Variants in COL4A1 observed in about 807,000 individuals in gnomAD.
COL4A1 encodes the protein collagen alpha-1(IV) chain.
A neutral mutation model predicts 216.6 loss-of-function variants in COL4A1; 40 were observed. The observed-to-expected ratio is 0.18, with a 90% CI of 0.14 to 0.24. The LOEUF is 0.24. Ranked by LOEUF, COL4A1 falls within the 10% of genes least tolerant of loss-of-function variation. The probability of loss-of-function intolerance (pLI) is 1.00; values close to 1 mark genes in which losing one functional copy is unlikely to be tolerated. For missense variants in COL4A1, 1,628 were observed against 2,196.8 expected, an observed-to-expected ratio of 0.74 and a Z score of 5.18; for synonymous variants, 839 against 810.7, an observed-to-expected ratio of 1.03 and a Z score of -0.59.
Position 110,187,217 on chromosome 13 carries a change from C to G in COL4A1, c.1649G>C (p.Gly550Ala). 1 of 1,613,960 alleles carries G rather than the reference C, an allele frequency of 6.2e-7. No homozygotes were observed. Among genetic ancestry groups the G allele is most frequent in the Non-Finnish European group, 8.5e-7 (1 of 1,179,922 alleles). Residue 550 changes from glycine to alanine, a missense_variant, in exon 25 of 52, where the codon GGA becomes GCA. Around this residue, in one of 8 missense-constraint regions of COL4A1, gnomAD observed 701 missense variants for 892.5 expected, o/e 0.79. Transcript: ENST00000375820. ...CGCTCTCCCTGGCATGCCGGGCTGT[C>G]CTGGAAAGCCTGGGTCTCCTTTGTC... ...KGDKGDPGFP[G>A]QPGMPGRAGS...
chr13:110,156,755 G>T (rs1260925309), intron 49 of COL4A1, among the ~76,000 whole-genome samples: 1 of 152,220 alleles, frequency 6.6e-6, no homozygotes, highest in Non-Finnish European at 1.5e-5. Flanking sequence ...GCTGATAAAT[G>T]ACTATAAATG....
At chr13:110,228,237 C>CGGG (rs59600040) in intron 2 of COL4A1, among the ~76,000 whole-genome samples, 20 of 119,024 alleles carry the variant, frequency 1.7e-4, no homozygotes, top group African/African-American at 6.3e-4. Flanking sequence ...GGTGCGGGGG[C>CGGG]GGGGGGGGGG....
At chr13:110,256,373 G>C (rs1024630344) in intron 1 of COL4A1, among the ~76,000 whole-genome samples, 2 of 152,172 alleles carry the variant, frequency 1.3e-5, no homozygotes, top group Admixed American at 6.5e-5. Flanking sequence ...GATGATACTC[G>C]GGAGGAAGAG....
intron 30 of COL4A1, 50 bp from the exon 31 acceptor site, chr13:110,179,086 C>A: frequency 6.3e-7 from 1 of 1,577,082 alleles, no homozygotes; most frequent in Non-Finnish European, 8.7e-7. Flanking sequence ...TGGCACGTCT[C>A]CCGGCCTAGG....
At position 110,176,120 on chromosome 13, in the gene COL4A1, C is replaced by T. The variant is rs993260873; in HGVS notation, c.3058+304G>A. Among the ~76,000 whole-genome samples the T allele has an allele frequency of 3.9e-5, 6 of 152,218 alleles. No homozygotes were observed. In the East Asian group the frequency reaches 7.7e-4, roughly 20 times the overall value. On this transcript the variant is annotated intron_variant, in intron 36 of 51. Coordinates refer to ENST00000375820, the MANE Select transcript of COL4A1 (RefSeq NM_001845.6). ...GGCTGACAAGCCTGGATGGAGAAGC[C>T]GTCGTCTCTTAGGGAGATCCTAGAC...
chr13:110,180,748 C>G (rs1308512125), intron 29 of COL4A1, among the ~76,000 whole-genome samples: 2 of 152,206 alleles, frequency 1.3e-5, no homozygotes, highest in African/African-American at 4.8e-5. Flanking sequence ...ATCTGATCGC[C>G]CTAGTGACAT....
chr13:110,303,539 G>A (rs956812398), intron 1 of COL4A1, among the ~76,000 whole-genome samples: 1 of 152,158 alleles, frequency 6.6e-6, no homozygotes, highest in African/African-American at 2.4e-5. Context: ...GAGCAGACAG[G>A]CAGAATGACC....
At chr13:110,278,700 C>T (rs1594111647) in intron 1 of COL4A1, among the ~76,000 whole-genome samples, 1 of 152,278 alleles carries the variant, frequency 6.6e-6, no homozygotes, top group East Asian at 1.9e-4. Context: ...CTGATTTCTT[C>T]ATGGGCATTT....
Position 110,183,005 on chromosome 13 carries a change from G to C in COL4A1, c.2083C>G (p.Pro695Ala), listed in dbSNP as rs1878244032. 6.2e-7 allele frequency: 1 copy of C among 1,612,690 alleles called. No individual in the cohort carries two copies. The highest frequency in any genetic ancestry group is 8.5e-7 in the Non-Finnish European group (1 of 1,179,700). ...GQPGIGFPGPPGPKGVDGLPG... is the reference protein window; with the variant it reads ...GQPGIGFPGPAGPKGVDGLPG... ...CTGGCAGGGTTACCTTTGGGGCCGGGGGGCCCTGGAAATCCAATGCCTGGC... is the reference window on the plus strand; with the variant it reads ...CTGGCAGGGTTACCTTTGGGGCCGGCGGGCCCTGGAAATCCAATGCCTGGC... The change falls in exon 28 of 52, where the codon CCC becomes GCC. Residue 695 changes from proline (P) to alanine (A), a missense_variant. Around this residue, in one of 8 missense-constraint regions of COL4A1, gnomAD observed 701 missense variants for 892.5 expected, o/e 0.79. Transcript: ENST00000375820.
At chr13:110,170,125 G>GGAAGGAAA (rs1403966940) in intron 42 of COL4A1, among the ~76,000 whole-genome samples, 6 of 25,720 alleles carry the variant, frequency 2.3e-4, no homozygotes, top group Non-Finnish European at 3.6e-4. Context: ...AAGGAAGGAA[G>GGAAGGAAA]GAAGGAAGGA....
chr13:110,203,622 A>G lies in COL4A1; in HGVS notation c.958-15T>C, dbSNP rs751765771. The G allele has an allele frequency of 6.2e-7, 1 of 1,614,078 alleles. No homozygotes were observed. Among genetic ancestry groups the G allele is most frequent in the Non-Finnish European group, 8.5e-7 (1 of 1,179,942 alleles). On this transcript the variant is annotated splice_polypyrimidine_tract_variant and intron_variant, in intron 17 of 51. Transcript: ENST00000375820. ...CCCTTTTCTCCCTACAAAAGAAAAA[A>G]TAACTTTCCTTGCATATTCTTACTA...
intron 1 of COL4A1, among the ~76,000 whole-genome samples, chr13:110,253,404 ATATGTAT>A (rs1297231647): frequency 4.6e-3 from 15 of 3,250 alleles, no homozygotes; most frequent in Admixed American, 0.03. Flanking sequence ...ACATATAATT[ATATGTAT>A]TACATATACA....
intron 20 of COL4A1, among the ~76,000 whole-genome samples, chr13:110,199,579 C>A (rs541855418): frequency 1.3e-4 from 20 of 152,292 alleles, no homozygotes; most frequent in Non-Finnish European, 1.5e-5. Flanking sequence ...GAAGGAACTA[C>A]CCGGGCACGA....
In COL4A1 at chr13:110,150,279, A is replaced by G; in HGVS notation, c.*84T>C. Reference sequence around the variant, plus strand: ...TTTCATATTGGACAGTGAGGTACACAGGATATATTTCTAGGGTTCGTTGCT... The same window carrying G: ...TTTCATATTGGACAGTGAGGTACACGGGATATATTTCTAGGGTTCGTTGCT... On this transcript the variant is annotated 3_prime_UTR_variant, in exon 52 of 52. Coordinates refer to ENST00000375820, the MANE Select transcript of COL4A1 (RefSeq NM_001845.6). The G allele has an allele frequency of 3.9e-6, 5 of 1,284,216 alleles. No homozygotes were observed. The highest frequency in any genetic ancestry group is 5.5e-6 in the Non-Finnish European group (5 of 904,732). The allele number at this position is 1,284,216 out of a possible 1,614,324, so 79.6% of individuals were successfully genotyped here. A position where few individuals can be genotyped will look rare whatever the true frequency, so the allele number is the denominator to read the frequency against.
At position 110,207,412 on chromosome 13, in the gene COL4A1, C is replaced by T. The variant is rs757482570; in HGVS notation, c.771G>A (p.Lys257=). Residue 257 remains lysine (K), a synonymous_variant, in exon 13 of 52, where the codon AAG becomes AAA. Coordinates refer to ENST00000375820, the MANE Select transcript of COL4A1 (RefSeq NM_001845.6). This position sits in a 1 kb window ranked among gnomAD's most constrained non-coding sequence, Gnocchi z 4.4. The part of the protein sequence containing the change: ...QVQEKGDFAT[K]GEKGQKGEPG... ...TGAAGCCCACTCATACCTTTTCTCC[C>T]TTGGTGGCGAAGTCTCCTTTTTCTT... 4.3e-6 allele frequency: 7 copies of T among 1,613,730 alleles called. No homozygotes were observed. In the East Asian group the frequency reaches 1.1e-4, roughly 26 times the overall value.
At position 110,207,788 on chromosome 13, in the gene COL4A1, G is replaced by A. The variant is rs1487738888; in HGVS notation, c.694-299C>T. On this transcript the variant is annotated intron_variant, in intron 12 of 51. Transcript: ENST00000375820. The surrounding 1 kb of genome is among the most constrained non-coding windows in gnomAD (Gnocchi z 4.4). ...CTCCGGACTTGCGTGCCCCTGTATA[G>A]TGTATACTGGCTTCTGATGGCACGG... Among the ~76,000 whole-genome samples, 1 of 152,152 alleles carries A rather than the reference G, an allele frequency of 6.6e-6. No individual in the cohort carries two copies. The highest frequency in any genetic ancestry group is 1.5e-5 in the Non-Finnish European group (1 of 68,030).
intron 2 of COL4A1, among the ~76,000 whole-genome samples, chr13:110,237,293 T>C (rs557736509): frequency 1.3e-5 from 2 of 152,366 alleles, no homozygotes; most frequent in South Asian, 4.1e-4. Flanking sequence ...AGTCGTACTC[T>C]GGTTAGTGCC....
At chr13:110,235,062 A>G (rs1252885039) in intron 2 of COL4A1, among the ~76,000 whole-genome samples, 1 of 152,190 alleles carries the variant, frequency 6.6e-6, no homozygotes, top group Non-Finnish European at 1.5e-5. Flanking sequence ...AAGTAAGAAA[A>G]TTGAATTTCT....
chr13:110,219,670 A>G (rs200155547), intron 2 of COL4A1, among the ~76,000 whole-genome samples: 9 of 72,610 alleles, frequency 1.2e-4, no homozygotes, highest in Admixed American at 1.1e-3. Context: ...ATGTATATAT[A>G]TATATATGTG....
Sources: gnomAD v4.1 joint callset for allele counts (sites outside exome capture counted in the v4.1 genomes callset) on GRCh38, gnomAD v4.1.1 for gene constraint, gnomAD v4.1.1 regional missense constraint, Gnocchi (gnomAD v3.1) non-coding constraint, MANE v1.5 for transcripts, NCBI Gene and HGNC (gene_info 2026-07-23, HGNC 2026-07-21) for gene names.